MAP2K4: variants seen among roughly 807,000 people sequenced by gnomAD.
MAP2K4 encodes the protein dual specificity mitogen-activated protein kinase kinase 4.
A neutral mutation model predicts 48.5 loss-of-function variants in MAP2K4; 4 were observed. The ratio of observed to expected loss-of-function variants is 0.08; its 90% CI spans 0.04 to 0.19. The LOEUF (loss-of-function observed/expected upper bound fraction) is 0.19. Ranked by LOEUF, MAP2K4 falls within the 10% of genes least tolerant of loss-of-function variation. MAP2K4 has a pLI of 1.00. For synonymous variants in MAP2K4, 166 were observed against 173.1 expected (o/e 0.96, Z 0.32); for missense variants, 258 against 493.3 (o/e 0.52, Z 4.52).
intron 2 of MAP2K4, among the ~76,000 whole-genome samples, chr17:12,058,090 A>C (rs1204686728): frequency 6.6e-6 from 1 of 152,084 alleles, no homozygotes; most frequent in Non-Finnish European, 1.5e-5. Context: ...GAATATTACC[A>C]ATGCTAGAAT....
intron 4 of MAP2K4, among the ~76,000 whole-genome samples, chr17:12,103,170 G>C (rs1971995589): frequency 6.6e-6 from 1 of 151,220 alleles, no homozygotes; most frequent in African/African-American, 2.4e-5. Flanking sequence ...CTCCTGAGTA[G>C]CTGGGACTAC....
At chr17:12,034,866 T>C (rs927153157) in intron 1 of MAP2K4, among the ~76,000 whole-genome samples, 1 of 152,280 alleles carries the variant, frequency 6.6e-6, no homozygotes, top group Non-Finnish European at 1.5e-5. Context: ...CACTGTGTCT[T>C]AGGGATCCAA....
intron 2 of MAP2K4, among the ~76,000 whole-genome samples, chr17:12,068,426 G>A (rs1970682749): frequency 6.6e-6 from 1 of 152,166 alleles, no homozygotes; most frequent in Non-Finnish European, 1.5e-5. Flanking sequence ...GGTAATGTAG[G>A]TAAAGCGTAA....
At chr17:12,063,776 C>A (rs1970524810) in intron 2 of MAP2K4, among the ~76,000 whole-genome samples, 2 of 151,860 alleles carry the variant, frequency 1.3e-5, no homozygotes, top group African/African-American at 4.8e-5. Context: ...AGTTCAAGAC[C>A]AGCCTGACCA....
intron 2 of MAP2K4, among the ~76,000 whole-genome samples, chr17:12,063,585 A>T (rs1970520042): frequency 6.6e-6 from 1 of 152,200 alleles, no homozygotes; most frequent in African/African-American, 2.4e-5. Flanking sequence ...CATAGGCAGA[A>T]ATTTCTTTGA....
intron 1 of MAP2K4, among the ~76,000 whole-genome samples, chr17:12,038,895 C>T (rs369454584): frequency 2.6e-4 from 39 of 152,150 alleles, no homozygotes; most frequent in Non-Finnish European, 5.0e-4. Flanking sequence ...AAGCAGTTGG[C>T]GCTTATAGGA....
chr17:12,048,502 T>C (rs1411358920), intron 1 of MAP2K4, among the ~76,000 whole-genome samples: 1 of 152,140 alleles, frequency 6.6e-6, no homozygotes, highest in Non-Finnish European at 1.5e-5. Context: ...TTTTATGAAC[T>C]TTTTAGTAAT....
intron 8 of MAP2K4, among the ~76,000 whole-genome samples, chr17:12,128,735 G>A (rs866978064): frequency 6.6e-6 from 1 of 152,204 alleles, no homozygotes; most frequent in Non-Finnish European, 1.5e-5. Context: ...GTCTAACCAC[G>A]ATTATGGACC....
chr17:12,127,845 C>T (rs952144696), intron 8 of MAP2K4, among the ~76,000 whole-genome samples: 6 of 152,122 alleles, frequency 3.9e-5, no homozygotes, highest in Non-Finnish European at 8.8e-5. Flanking sequence ...CTTTTGTGCA[C>T]ACATGTGTGT....
chr17:12,060,265 T>C (rs1970406512), intron 2 of MAP2K4, among the ~76,000 whole-genome samples: 1 of 152,228 alleles, frequency 6.6e-6, no homozygotes, highest in African/African-American at 2.4e-5. Flanking sequence ...CTCTGTGTCC[T>C]TGACTTTATC....
chr17:12,055,725 T>G (rs1366357958), intron 2 of MAP2K4, among the ~76,000 whole-genome samples: 1 of 152,100 alleles, frequency 6.6e-6, no homozygotes, highest in Non-Finnish European at 1.5e-5. Context: ...TTTTCTCTTC[T>G]TTCAGAATTT....
chr17:12,021,112 G>T, intron 1 of MAP2K4, 111 bp downstream of exon 1: 1 of 574,552 alleles, frequency 1.7e-6, no homozygotes, highest in Non-Finnish European at 2.5e-6. Context: ...CACGGCAGCC[G>T]CCGGCTTCTC....
At chr17:12,094,762 C>T (rs1971677173) in intron 3 of MAP2K4, among the ~76,000 whole-genome samples, 1 of 152,060 alleles carries the variant, frequency 6.6e-6, no homozygotes, top group South Asian at 2.1e-4. Context: ...CTGGCAGTCT[C>T]TTAGAAATGT....
At chr17:12,095,323 T>G in intron 3 of MAP2K4, 1 of 475,730 alleles carries the variant, frequency 2.1e-6, no homozygotes, top group Admixed American at 3.3e-5. Flanking sequence ...CTCCCAACAT[T>G]ATTAGTAAAT....
chr17:12,129,589 G>T (rs1972962295), intron 9 of MAP2K4, among the ~76,000 whole-genome samples: 1 of 152,204 alleles, frequency 6.6e-6, no homozygotes. Flanking sequence ...TTCTAGGTGA[G>T]ACTGATCATC....
At position 12,143,459 on chromosome 17, in the gene MAP2K4, C is replaced by G; in HGVS notation, c.*2199C>G. On this transcript the variant is annotated 3_prime_UTR_variant, in exon 11 of 11. Transcript: ENST00000353533. ...ACAAACTGTGAAAATAGTGTAAGAA[C>G]TGTACATTGTGAGCTCTGGTTATTT... 1 of 232,448 alleles carries G rather than the reference C, an allele frequency of 4.3e-6. No homozygotes were observed. Among genetic ancestry groups the G allele is most frequent in the Non-Finnish European group, 8.5e-6 (1 of 117,316 alleles). The allele number at this position is 232,448 out of a possible 1,614,324, so 14.4% of individuals were successfully genotyped here. A position where few individuals can be genotyped will look rare whatever the true frequency, so the allele number is the denominator to read the frequency against.
At chr17:12,088,072 A>C (rs972171557) in intron 3 of MAP2K4, among the ~76,000 whole-genome samples, 2 of 152,150 alleles carry the variant, frequency 1.3e-5, no homozygotes, top group Non-Finnish European at 2.9e-5. Context: ...GGATTTTCCA[A>C]CTTTGGTTTC....
At chr17:12,088,186 T>C (rs1407455723) in intron 3 of MAP2K4, among the ~76,000 whole-genome samples, 1 of 152,006 alleles carries the variant, frequency 6.6e-6, no homozygotes, top group Non-Finnish European at 1.5e-5. Context: ...AGGAGTGTGA[T>C]CCTTGCTCTC....
intron 10 of MAP2K4, among the ~76,000 whole-genome samples, chr17:12,140,299 C>T (rs1001332615): frequency 1.3e-5 from 2 of 152,040 alleles, no homozygotes; most frequent in African/African-American, 4.8e-5. Context: ...CTCATTCATC[C>T]CATGGAACTT....
Sources: gnomAD v4.1 joint callset for allele counts (sites outside exome capture counted in the v4.1 genomes callset) on GRCh38, gnomAD v4.1.1 for gene constraint, MANE v1.5 for transcripts, NCBI Gene and HGNC (gene_info 2026-07-23, HGNC 2026-07-21) for gene names.